The following MAGI2 variants were observed in gnomAD, a reference collection of about 807,000 sequenced individuals.
MAGI2 encodes the protein membrane-associated guanylate kinase, WW and PDZ domain-containing protein 2.
In MAGI2, 35 loss-of-function variants were observed where a neutral mutation model predicts 133.3. The observed-to-expected ratio is 0.26, with a 90% CI of 0.20 to 0.35. MAGI2 has a LOEUF of 0.35. Ranked by LOEUF, MAGI2 falls within the 10% of genes least tolerant of loss-of-function variation. The probability of loss-of-function intolerance (pLI) is 1.00; values close to 1 mark genes in which losing one functional copy is unlikely to be tolerated. For synonymous variants in MAGI2, 729 were observed against 710.6 expected (o/e 1.03, Z -0.41); for missense variants, 1,636 against 1,863.4 (o/e 0.88, Z 2.25).
chr7:78,261,089 A>C (rs573481399), intron 9 of MAGI2, among the ~76,000 whole-genome samples: 1 of 152,224 alleles, frequency 6.6e-6, no homozygotes, highest in African/African-American at 2.4e-5. Flanking sequence ...CCTTAAACAC[A>C]ACCTTGGACC....
intron 1 of MAGI2, among the ~76,000 whole-genome samples, chr7:79,306,628 A>G (rs1837838646): frequency 6.6e-6 from 1 of 152,072 alleles, no homozygotes; most frequent in Admixed American, 6.6e-5. Context: ...TTTTGCATAA[A>G]TCTTATGAAG....
intron 2 of MAGI2, among the ~76,000 whole-genome samples, chr7:78,723,317 A>G (rs1820439944): frequency 6.6e-6 from 1 of 152,202 alleles, no homozygotes; most frequent in African/African-American, 2.4e-5. Context: ...TCAATCAACC[A>G]TATTTATTTA....
chr7:78,617,080 G>C (rs1390045243), intron 3 of MAGI2: 1 of 152,076 alleles, frequency 6.6e-6, no homozygotes, highest in Admixed American at 6.6e-5. Flanking sequence ...TTTTGGATAA[G>C]GTAGTCAGGT....
intron 21 of MAGI2, among the ~76,000 whole-genome samples, chr7:78,056,669 G>A (rs2060233976): frequency 6.6e-6 from 1 of 152,054 alleles, no homozygotes; most frequent in African/African-American, 2.4e-5. Flanking sequence ...GGCCTGTCAG[G>A]GCTTGGGGGG....
chr7:79,346,318 C>T (rs1283345018), intron 1 of MAGI2, among the ~76,000 whole-genome samples: 1 of 152,010 alleles, frequency 6.6e-6, no homozygotes, highest in African/African-American at 2.4e-5. Flanking sequence ...GAACATTTCA[C>T]CACTCATAAA....
chr7:78,670,096 A>T (rs1454849078), intron 2 of MAGI2, among the ~76,000 whole-genome samples: 1 of 151,666 alleles, frequency 6.6e-6, no homozygotes, highest in East Asian at 1.9e-4. Flanking sequence ...AGAAGGAAAT[A>T]AAAGGTATTC....
At chr7:78,703,071 A>G (rs1230584450) in intron 2 of MAGI2, among the ~76,000 whole-genome samples, 1 of 151,980 alleles carries the variant, frequency 6.6e-6, no homozygotes, top group Non-Finnish European at 1.5e-5. Flanking sequence ...CTGAAAAGGC[A>G]TGGCCAAAGT....
intron 1 of MAGI2, among the ~76,000 whole-genome samples, chr7:79,327,529 G>T (rs1020231043): frequency 1.3e-5 from 2 of 152,092 alleles, no homozygotes; most frequent in African/African-American, 4.8e-5. Flanking sequence ...ACAGTTATAT[G>T]TATCGCAAAA....
chr7:78,465,546 T>A (rs1196071244), intron 6 of MAGI2, among the ~76,000 whole-genome samples: 1 of 152,180 alleles, frequency 6.6e-6, no homozygotes, highest in Non-Finnish European at 1.5e-5. Context: ...TATGAAAAGA[T>A]GTAGATTATC....
intron 2 of MAGI2, among the ~76,000 whole-genome samples, chr7:78,889,659 T>C (rs1236341178): frequency 3.3e-5 from 5 of 152,092 alleles, no homozygotes; most frequent in Non-Finnish European, 5.9e-5. Context: ...AATAAAATAC[T>C]TTACAGACAA....
chr7:79,157,941 A>AGTGTGT (rs60535225), intron 1 of MAGI2, among the ~76,000 whole-genome samples: 19 of 134,968 alleles, frequency 1.4e-4, no homozygotes, highest in South Asian at 7.1e-4. Context: ...TCTTTGTGTG[A>AGTGTGT]GTGTGTGTGT....
At chr7:78,679,841 C>T (rs9886032) in intron 2 of MAGI2, among the ~76,000 whole-genome samples, 17,810 of 152,018 alleles carry the variant, frequency 0.12, 1,254 homozygotes, top group African/African-American at 0.18. Flanking sequence ...TAGATTAGGG[C>T]CTAGATGTGT....
intron 6 of MAGI2, among the ~76,000 whole-genome samples, chr7:78,383,331 C>G (rs111679165): frequency 1.3e-5 from 2 of 152,038 alleles, no homozygotes; most frequent in African/African-American, 4.8e-5. Context: ...TGATATCTCA[C>G]TGTGGTTTTT....
chr7:78,605,808 C>T (rs1365308159), intron 3 of MAGI2, among the ~76,000 whole-genome samples: 1 of 152,032 alleles, frequency 6.6e-6, no homozygotes. Context: ...TTCAGTGGGG[C>T]GTGGGGCCAT....
chr7:79,222,306 G>A (rs1009011483), intron 1 of MAGI2, among the ~76,000 whole-genome samples: 6 of 151,918 alleles, frequency 3.9e-5, no homozygotes, highest in Non-Finnish European at 7.4e-5. Flanking sequence ...AGTATAACAA[G>A]AAATATGAAA....
At chr7:79,398,359 C>T (rs1845209576) in intron 1 of MAGI2, among the ~76,000 whole-genome samples, 1 of 152,154 alleles carries the variant, frequency 6.6e-6, no homozygotes, top group Admixed American at 6.5e-5. Flanking sequence ...TGTCTTAAGG[C>T]CCAGATTTTC....
At chr7:78,669,573 A>C (rs577692321) in intron 2 of MAGI2, among the ~76,000 whole-genome samples, 1 of 152,308 alleles carries the variant, frequency 6.6e-6, no homozygotes, top group Non-Finnish European at 1.5e-5. Flanking sequence ...TCATTTTATG[A>C]GGCCAGCATC....
chr7:79,115,865 T>G (rs907254748), intron 1 of MAGI2, among the ~76,000 whole-genome samples: 13 of 149,018 alleles, frequency 8.7e-5, no homozygotes, highest in African/African-American at 1.2e-4. Flanking sequence ...TTTTTTTTTT[T>G]TTTTTTTTTT....
At chr7:78,512,616 G>A (rs1485460956) in intron 4 of MAGI2, among the ~76,000 whole-genome samples, 1 of 152,118 alleles carries the variant, frequency 6.6e-6, no homozygotes, top group Non-Finnish European at 1.5e-5. Flanking sequence ...ATGTTGGCCA[G>A]GCTGGTCTTG....
Sources: allele counts gnomAD v4.1 joint callset (sites outside exome capture counted in the v4.1 genomes callset), GRCh38; gene constraint gnomAD v4.1.1; transcripts MANE v1.5; gene names NCBI Gene and HGNC (gene_info 2026-07-23, HGNC 2026-07-21).